SMAD9: variants seen among roughly 807,000 people sequenced by gnomAD.
The protein encoded by SMAD9 is MAD homolog 9.
In SMAD9, 36 loss-of-function variants were observed where a neutral mutation model predicts 46.1. The observed-to-expected ratio is 0.78, with a 90% CI of 0.60 to 1.03. The LOEUF (loss-of-function observed/expected upper bound fraction) is 1.03. Ranked by LOEUF, SMAD9 falls within the 50% of genes least tolerant of loss-of-function variation. The pLI is 0.00. For synonymous variants in SMAD9, 245 were observed against 237.1 expected (o/e 1.03, Z -0.31); for missense variants, 572 against 599.8 (o/e 0.95, Z 0.48).
chr13:36,902,308 G>C (rs1296202714), intron 1 of SMAD9, among the ~76,000 whole-genome samples: 1 of 152,126 alleles, frequency 6.6e-6, no homozygotes, highest in African/African-American at 2.4e-5. Context: ...AAATCAATTG[G>C]CCACAGATGT....
intron 1 of SMAD9, among the ~76,000 whole-genome samples, chr13:36,918,786 C>T (rs1456851152): frequency 6.6e-6 from 1 of 152,186 alleles, no homozygotes; most frequent in Non-Finnish European, 1.5e-5. Flanking sequence ...CATCCAAAGG[C>T]ATTCCCTCAC....
Position 36,879,395 on chromosome 13 carries a change from G to A in SMAD9, c.295C>T (p.Pro99Ser), listed in dbSNP as rs753990922. 1.9e-6 allele frequency: 3 copies of A among 1,613,936 alleles called. No homozygotes were observed. In the African/African-American group the frequency reaches 4.0e-5, roughly 22 times the overall value. ...AGCTCGTGGTGGGACTGCAGATCCG[G>A]CCAGCGCCACACGCGACAGTAAATC... The part of the protein sequence containing the change: ...HVIYCRVWRW[P>S]DLQSHHELKP... Residue 99 changes from proline (P) to serine (S), a missense_variant, in exon 2 of 7, where the codon CCG becomes TCG. Transcript: ENST00000379826.
At chr13:36,883,127 T>G (rs2058417698) in intron 1 of SMAD9, among the ~76,000 whole-genome samples, 1 of 152,178 alleles carries the variant, frequency 6.6e-6, no homozygotes, top group Admixed American at 6.5e-5. Context: ...TTCAGTTGTG[T>G]CAACCTGGCT....
At chr13:36,853,309 G>T in intron 6 of SMAD9, 110 bp downstream of exon 6, 5 of 959,860 alleles carry the variant, frequency 5.2e-6, no homozygotes, top group Non-Finnish European at 8.2e-6. Context: ...ATAATAAATT[G>T]GTTTTGTCTA....
chr13:36,864,240 C>A (rs939775359), intron 5 of SMAD9, among the ~76,000 whole-genome samples: 2 of 152,170 alleles, frequency 1.3e-5, no homozygotes, highest in African/African-American at 4.8e-5. Flanking sequence ...AATTACATTC[C>A]AGAGTGAGTT....
At chr13:36,873,059 C>T in intron 2 of SMAD9, 144 bp from the exon 3 acceptor site, 1 of 926,254 alleles carries the variant, frequency 1.1e-6, no homozygotes. Context: ...AGTCTTTGTG[C>T]TCATCATAAA....
chr13:36,888,752 G>T (rs1224970841), intron 1 of SMAD9, among the ~76,000 whole-genome samples: 1 of 152,204 alleles, frequency 6.6e-6, no homozygotes, highest in Non-Finnish European at 1.5e-5. Context: ...ACCTGGAAGT[G>T]AGGAAGTGGG....
chr13:36,878,298 T>C (rs1252198721), intron 2 of SMAD9, among the ~76,000 whole-genome samples: 1 of 152,206 alleles, frequency 6.6e-6, no homozygotes, highest in Non-Finnish European at 1.5e-5. Flanking sequence ...CCCAAGATTA[T>C]GATACTGTAC....
chr13:36,872,733 G>A lies in SMAD9; in HGVS notation c.595C>T (p.Gln199Ter), dbSNP rs375954274. The A allele has an allele frequency of 1.2e-6, 2 of 1,614,020 alleles. No individual in the cohort carries two copies. The highest frequency in any genetic ancestry group is 8.5e-7 in the Non-Finnish European group (1 of 1,179,978). ...GGGTAGCTGGCCGTGCACGGGGACTGGGAGAACGCGTGGCTGGGTGAGGGA... is the reference window on the plus strand; with the variant it reads ...GGGTAGCTGGCCGTGCACGGGGACTAGGAGAACGCGTGGCTGGGTGAGGGA... ...LPPSPSHAFSQSPCTASYPHS... is the reference protein window; with the variant it reads ...LPPSPSHAFS The change falls in exon 3 of 7, where the codon CAG (glutamine) becomes TAG (stop). Residue 199 changes from glutamine (Q) to a stop codon, truncating the protein, a stop_gained. Coordinates refer to ENST00000379826, the MANE Select transcript of SMAD9 (RefSeq NM_001127217.3). LOFTEE classifies it high-confidence loss of function.
At chr13:36,897,849 CTTTTTTTTTTTT>C (rs574741770) in intron 1 of SMAD9, among the ~76,000 whole-genome samples, 3 of 90,018 alleles carry the variant, frequency 3.3e-5, no homozygotes, top group South Asian at 4.4e-4. Flanking sequence ...TGTCCTGTGT[CTTTTTTTTTTTT>C]TTTTTTTTTT....
chr13:36,914,965 A>C (rs1219366946), intron 1 of SMAD9, among the ~76,000 whole-genome samples: 1 of 152,254 alleles, frequency 6.6e-6, no homozygotes, highest in Non-Finnish European at 1.5e-5. Flanking sequence ...ATCAAAATAC[A>C]CAGTAACCAA....
intron 5 of SMAD9, 147 bp from the exon 6 acceptor site, chr13:36,853,822 C>T (rs2058097195): frequency 3.6e-6 from 3 of 832,318 alleles, no homozygotes; most frequent in Admixed American, 2.0e-5. Flanking sequence ...CTAAATGCCG[C>T]TTAGTTTAAT....
intron 1 of SMAD9, among the ~76,000 whole-genome samples, chr13:36,908,049 T>C (rs1315975103): frequency 2.0e-5 from 3 of 152,208 alleles, no homozygotes; most frequent in Non-Finnish European, 2.9e-5. Flanking sequence ...TCAGATCCTT[T>C]CTTCTACTTA....
At chr13:36,889,043 G>T (rs954820899) in intron 1 of SMAD9, among the ~76,000 whole-genome samples, 15 of 152,106 alleles carry the variant, frequency 9.9e-5, no homozygotes, top group Non-Finnish European at 4.4e-5. Flanking sequence ...ATTGAGAAGA[G>T]GACTGCAGAA....
intron 1 of SMAD9, among the ~76,000 whole-genome samples, chr13:36,906,682 C>G (rs1167364679): frequency 6.6e-6 from 1 of 152,092 alleles, no homozygotes; most frequent in Non-Finnish European, 1.5e-5. Flanking sequence ...GGAATGAGTG[C>G]AAACCAAAAT....
At chr13:36,885,433 A>G (rs761529765) in intron 1 of SMAD9, among the ~76,000 whole-genome samples, 2 of 152,120 alleles carry the variant, frequency 1.3e-5, no homozygotes, top group Non-Finnish European at 2.9e-5. Context: ...TCCTCACTTA[A>G]AGTAGCCTGG....
chr13:36,849,227 C>G (rs2058055754), intron 6 of SMAD9: 1 of 171,866 alleles, frequency 5.8e-6, no homozygotes, highest in Non-Finnish European at 1.2e-5. Context: ...AAAGACAGAA[C>G]TGGAAGGCGC....
chr13:36,868,932 T>C (rs1015109104), intron 3 of SMAD9, among the ~76,000 whole-genome samples: 1 of 152,142 alleles, frequency 6.6e-6, no homozygotes, highest in African/African-American at 2.4e-5. Context: ...GAGATATCGT[T>C]CAGTCACAAA....
intron 1 of SMAD9, among the ~76,000 whole-genome samples, chr13:36,883,549 G>C (rs9576130): frequency 0.16 from 24,569 of 152,188 alleles, 2,481 homozygotes; most frequent in East Asian, 0.32. Context: ...TCAGGAATTT[G>C]AGACCAGCCT....
Sources: allele counts gnomAD v4.1 joint callset (sites outside exome capture counted in the v4.1 genomes callset), GRCh38; gene constraint gnomAD v4.1.1; transcripts MANE v1.5; gene names NCBI Gene and HGNC (gene_info 2026-07-23, HGNC 2026-07-21).